Variants in RHPN1 observed in about 807,000 individuals in gnomAD.
RHPN1 encodes rhophilin-1.
RHPN1 carries 77 observed loss-of-function variants against 74.7 expected under a neutral mutation model. The ratio of observed to expected loss-of-function variants is 1.03; its 90% confidence interval spans 0.86 to 1.25. The LOEUF is 1.25. RHPN1 is among the 50% of genes most tolerant of loss of function. The pLI is 0.00. For missense variants in RHPN1, 987 were observed against 932.2 expected (o/e 1.06, Z -0.77); for synonymous variants, 444 against 414.5 (o/e 1.07, Z -0.87).
chr8:143,382,696 C>T lies in RHPN1; in HGVS notation c.*45C>T, dbSNP rs1250651221. ...CCTCAGCCCTGGCTCCAGCTGGCAG[C>T]AAGCACCGAGCATGCCCTCCCCACC... On this transcript the variant is annotated 3_prime_UTR_variant, in exon 15 of 15. Coordinates refer to ENST00000289013, the MANE Select transcript of RHPN1 (RefSeq NM_052924.3). 1 of 1,524,524 alleles carries T rather than the reference C, an allele frequency of 6.6e-7. No individual in the cohort carries two copies. The highest frequency in any genetic ancestry group is 1.2e-5 in the South Asian group (1 of 85,804). 94.4% of individuals were successfully genotyped at this position (1,524,524 alleles called of 1,614,324 possible).
chr8:143,382,981 C>G lies in RHPN1; in HGVS notation c.*330C>G. 1 of 343,134 alleles carries G rather than the reference C, an allele frequency of 2.9e-6. No homozygotes were observed. Among genetic ancestry groups the G allele is most frequent in the Non-Finnish European group, 5.4e-6 (1 of 184,466 alleles). 21.3% of individuals were successfully genotyped at this position (343,134 alleles called of 1,614,324 possible). A position where few individuals can be genotyped will look rare whatever the true frequency, so the allele number is the denominator to read the frequency against. On this transcript the variant is annotated 3_prime_UTR_variant, in exon 15 of 15. Coordinates refer to ENST00000289013, the MANE Select transcript of RHPN1 (RefSeq NM_052924.3). ...CCGGGCTCTGTCCACCCTGCTGCTG[C>G]CCTGGGCACAGACCCTGAGGTCTCA...
chr8:143,375,496 G>A (rs1438959878), intron 1 of RHPN1, 57 bp from the exon 2 acceptor site: 50 of 1,280,488 alleles, frequency 3.9e-5, no homozygotes, highest in East Asian at 1.7e-4. Context: ...CTGGCGAGGC[G>A]CAGCCTGGTG....
rs1242937996 is a variant in RHPN1 at position 143,380,436 on chromosome 8, T to C, written c.1217-153T>C. On this transcript the variant is annotated intron_variant, in intron 10 of 14. Transcript: ENST00000289013. ...CCCTGCTTTGCACGTGGCAGAGCCC[T>C]CCTGCACAGCCAGCTCCTCACCCCC... 17 of 722,010 alleles carry C rather than the reference T, an allele frequency of 2.4e-5. No homozygotes were observed. In the East Asian group the frequency reaches 4.7e-4, roughly 20 times the overall value. 44.7% of individuals were successfully genotyped at this position (722,010 alleles called of 1,614,324 possible).
chr8:143,367,583 C>A (rs1396443798), upstream of RHPN1: 1 of 152,246 alleles, frequency 6.6e-6, no homozygotes, highest in Non-Finnish European at 1.5e-5. Flanking sequence ...CTGGGAGGGG[C>A]CTGCTGCAGA....
chr8:143,377,050 GTC>G lies in RHPN1; in HGVS notation c.306-328_306-327del, dbSNP rs549310399. Reference sequence around the variant, plus strand: ...CGTGTATGCACGTGTGTCTGTGTGTGTCTGTGTGTGCGCGTGTGTGTGTCTGC... The same window carrying G: ...CGTGTATGCACGTGTGTCTGTGTGTGTGTGTGTGCGCGTGTGTGTGTCTGC... On this transcript the variant is annotated intron_variant, in intron 3 of 14. Coordinates refer to ENST00000289013, the MANE Select transcript of RHPN1 (RefSeq NM_052924.3). 1.7e-4 allele frequency among the ~76,000 whole-genome samples: 11 copies of G among 65,456 alleles called. No individual in the cohort carries two copies. The Admixed American group carries it at 1.8e-3, about 11-fold the overall frequency. 42.9% of individuals were successfully genotyped at this position (65,456 alleles called of 152,430 possible). A position where few individuals can be genotyped will look rare whatever the true frequency, so the allele number is the denominator to read the frequency against.
At chr8:143,380,260 G>A (rs951498360) in intron 10 of RHPN1, 85 bp downstream of exon 10, 9 of 940,840 alleles carry the variant, frequency 9.6e-6, no homozygotes, top group Non-Finnish European at 1.2e-5. Context: ...CATGCTGTTT[G>A]CCACCTGCTG....
intron 4 of RHPN1, 59 bp downstream of exon 4, chr8:143,377,514 T>C: frequency 1.6e-6 from 2 of 1,250,298 alleles, no homozygotes; most frequent in East Asian, 2.4e-5. Flanking sequence ...CAAGGGGGTC[T>C]TGGAGGCTTT....
rs932007771 is a variant in RHPN1 at position 143,381,289 on chromosome 8, A to G, written c.1433A>G (p.Glu478Gly). 6.2e-7 allele frequency: 1 copy of G among 1,613,000 alleles called. No homozygotes were observed. The highest frequency in any genetic ancestry group is 8.5e-7 in the Non-Finnish European group (1 of 1,179,688). Reference sequence around the variant, plus strand: ...TCAGCTAAGACCCACCAGAAGCCAGAGGCCAGGATGCCACGCCTGTCCCAG... The same window carrying G: ...TCAGCTAAGACCCACCAGAAGCCAGGGGCCAGGATGCCACGCCTGTCCCAG... Reference protein sequence around the residue: ...DIQPKTHQKPEARMPRLSQGK... With the variant: ...DIQPKTHQKPGARMPRLSQGK... Residue 478 changes from glutamate to glycine, a missense_variant, in exon 12 of 15, where the codon GAG becomes GGG. Glu to Gly is a moderately conservative substitution (Grantham distance 98). Transcript: ENST00000289013.
At chr8:143,374,203 C>T (rs1818057403) in intron 1 of RHPN1, 15 of 985,412 alleles carry the variant, frequency 1.5e-5, no homozygotes, top group Middle Eastern at 5.2e-4. Flanking sequence ...GCCTGAGAGA[C>T]GTGTGTGCGT....
rs756649708 is a variant in RHPN1, at chr8:143,377,380, C to CGAA, written c.308_310dup (p.Glu103dup). 24 of 1,612,374 alleles carry CGAA rather than the reference C, an allele frequency of 1.5e-5. No individual in the cohort carries two copies. In the Admixed American group the frequency reaches 2.0e-4, roughly 13 times the overall value. ...CTGAAGTCGATGCTTCTGGTTACAG[C>CGAA]GAAGCTGTCACTGTCCCCATGATCC... On this transcript the variant is annotated inframe_insertion and splice_region_variant, in exon 4 of 15. Coordinates refer to ENST00000289013, the MANE Select transcript of RHPN1 (RefSeq NM_052924.3).
chr8:143,381,939 C>G lies in RHPN1; in HGVS notation c.1768C>G (p.Leu590Val). 6.2e-7 allele frequency: 1 copy of G among 1,607,932 alleles called. No individual in the cohort carries two copies. The highest frequency in any genetic ancestry group is 8.5e-7 in the Non-Finnish European group (1 of 1,177,902). Residue 590 changes from leucine (L) to valine (V), a missense_variant, in exon 14 of 15, where the codon CTG (leucine) becomes GTG (valine). Coordinates refer to ENST00000289013, the MANE Select transcript of RHPN1 (RefSeq NM_052924.3). ...EAGASLQVVSLLPSSRLPSLG... is the reference protein window; with the variant it reads ...EAGASLQVVSVLPSSRLPSLG... ...GGGCGCCAGCCTGCAGGTGGTGTCG[C>G]TGCTGCCCAGCTCTAGACTGCCCAG...
Position 143,379,492 on chromosome 8 carries a change from C to T in RHPN1, c.929C>T (p.Ala310Val), listed in dbSNP as rs915475765. The stretch of plus-strand genomic sequence containing the variant: ...GACTGCCTGGCCCAGCTGCGCCTGG[C>T]GCAGGAGGCCGCCCAGGTGAGCTCG... ...PQDCLAQLRL[A>V]QEAAQVAAEY... The change falls in exon 8 of 15, where the codon GCG becomes GTG. Residue 310 changes from alanine to valine, a missense_variant. Transcript: ENST00000289013. 24 of 1,555,088 alleles carry T rather than the reference C, an allele frequency of 1.5e-5. No homozygotes were observed. Among genetic ancestry groups the T allele is most frequent in the Non-Finnish European group, 1.8e-5 (21 of 1,150,180 alleles).
At position 143,381,283 on chromosome 8, in the gene RHPN1, AGCCAGAG is replaced by A. The variant is rs1343940600; in HGVS notation, c.1433_1439del (p.Glu478GlyfsTer37). On this transcript the variant is annotated frameshift_variant, in exon 12 of 15. Transcript: ENST00000289013. LOFTEE classifies it high-confidence loss of function. ...ACCCTCTCAGCTAAGACCCACCAGA[AGCCAGAG>A]GCCAGGATGCCACGCCTGTCCCAGG... The A allele has an allele frequency of 6.2e-7, 1 of 1,613,102 alleles. No individual in the cohort carries two copies. The highest frequency in any genetic ancestry group is 1.1e-5 in the South Asian group (1 of 90,958).
At position 143,377,200 on chromosome 8, in the gene RHPN1, C is replaced by T. The variant is rs373187650; in HGVS notation, c.306-180C>T. 7.9e-4 allele frequency among the ~76,000 whole-genome samples: 120 copies of T among 152,174 alleles called. 1 individual carries two copies. Among genetic ancestry groups the T allele is most frequent in the African/African-American group, 2.4e-3 (99 of 41,526 alleles). On this transcript the variant is annotated intron_variant, in intron 3 of 14. Coordinates refer to ENST00000289013, the MANE Select transcript of RHPN1 (RefSeq NM_052924.3). ...TGTGTGTGTGTGTTTGCTTTTGGGG[C>T]GGTTTAGGACGGTGGGGGGTGGTGC... is the stretch of plus-strand genomic sequence containing the variant.
chr8:143,380,240 C>A, intron 10 of RHPN1, 65 bp downstream of exon 10: 1 of 1,120,862 alleles, frequency 8.9e-7, no homozygotes, highest in Non-Finnish European at 1.2e-6. Flanking sequence ...AGGGTGTCCC[C>A]CACCACCCTC....
Position 143,381,835 on chromosome 8 carries a change from TTG to T in RHPN1, c.1668_1669del (p.Val558GlufsTer37), listed in dbSNP as rs752241426. ...GCTGGCCTGAAGGAGGGCGACTACA[TTG>T]TGTCAGTGAATGGGCAGCCATGCAG... On this transcript the variant is annotated frameshift_variant, in exon 14 of 15. Transcript: ENST00000289013. LOFTEE classifies it high-confidence loss of function. 1 of 1,613,022 alleles carries T rather than the reference TTG, an allele frequency of 6.2e-7. No homozygotes were observed. The highest frequency in any genetic ancestry group is 2.2e-5 in the East Asian group (1 of 44,864).
chr8:143,382,104 G>C, intron 14 of RHPN1, 136 bp downstream of exon 14: 1 of 893,358 alleles, frequency 1.1e-6, no homozygotes, highest in East Asian at 2.7e-5. Flanking sequence ...CCGCCTCCTG[G>C]GCAGGGGCCA....
rs757024643 is a variant in RHPN1 at position 143,382,636 on chromosome 8, CCCAGGGTGGCCGTGAGGGCCA to C, written c.1999_*6del. 13 of 1,609,732 alleles carry C rather than the reference CCCAGGGTGGCCGTGAGGGCCA, an allele frequency of 8.1e-6. No individual in the cohort carries two copies. The South Asian group carries it at 1.3e-4, about 16-fold the overall frequency. On this transcript the variant is annotated stop_lost and 3_prime_UTR_variant, in exon 15 of 15. Transcript: ENST00000289013. ...CAGCTCCGCCCTCATCCTTGAAGCA[CCCAGGGTGGCCGTGAGGGCCA>C]GGATCCCTGCACGCCTCAGCCCTGG...
upstream of RHPN1, chr8:143,367,041 C>T (rs1817569895): frequency 6.6e-6 from 1 of 152,302 alleles, no homozygotes; most frequent in Admixed American, 6.5e-5. Context: ...AAACTTGAAC[C>T]ACAGAGCTGC....
Sources: allele counts gnomAD v4.1 joint callset (sites outside exome capture counted in the v4.1 genomes callset), GRCh38; gene constraint gnomAD v4.1.1; transcripts MANE v1.5; gene names NCBI Gene and HGNC (gene_info 2026-07-23, HGNC 2026-07-21).